DAB1: variants seen among roughly 807,000 people sequenced by gnomAD.
DAB1 encodes the protein disabled homolog 1.
Under a neutral mutation model 64.6 loss-of-function variants are expected in DAB1, and 15 were observed. That is an observed-to-expected ratio of 0.23 (90% CI 0.16 to 0.36). The LOEUF (loss-of-function observed/expected upper bound fraction) is 0.36. Ranked by LOEUF, DAB1 falls within the 10% of genes least tolerant of loss-of-function variation. DAB1 has a pLI of 1.00. For missense variants in DAB1, 596 were observed against 706.7 expected (o/e 0.84, Z 1.78); for synonymous variants, 235 against 251.9 (o/e 0.93, Z 0.64).
At chr1:57,086,239 G>A (rs538282512) in intron 4 of DAB1, among the ~76,000 whole-genome samples, 152 of 152,202 alleles carry the variant, frequency 1.0e-3, no homozygotes, top group South Asian at 4.1e-3. Flanking sequence ...CTTCAGGTTC[G>A]AGGACAGAGA....
At chr1:58,079,225 C>CTA (rs1649834329) in intron 5 of DAB1, among the ~76,000 whole-genome samples, 1 of 152,166 alleles carries the variant, frequency 6.6e-6, no homozygotes, top group Non-Finnish European at 1.5e-5. Context: ...CCACTATCAC[C>CTA]TAGGGCTCCC....
chr1:57,695,385 AAAG>A (rs1557427867), intron 6 of DAB1, among the ~76,000 whole-genome samples: 1,228 of 73,378 alleles, frequency 0.017, 35 homozygotes, highest in East Asian at 0.035. Flanking sequence ...AGAAAGAAAG[AAAG>A]AAAGAAAGAA....
chr1:58,076,004 G>A (rs896074735), intron 5 of DAB1, among the ~76,000 whole-genome samples: 4 of 152,040 alleles, frequency 2.6e-5, no homozygotes, highest in Admixed American at 6.6e-5. Context: ...TTCTAGAGAA[G>A]GGACTCTGAT....
chr1:57,378,715 T>G (rs1681110033), intron 1 of DAB1, among the ~76,000 whole-genome samples: 1 of 152,220 alleles, frequency 6.6e-6, no homozygotes, highest in African/African-American at 2.4e-5. Flanking sequence ...GTGAGTTTTC[T>G]TATTTTTAGC....
chr1:57,238,026 G>A (rs1412507941), intron 2 of DAB1, among the ~76,000 whole-genome samples: 1 of 152,170 alleles, frequency 6.6e-6, no homozygotes, highest in African/African-American at 2.4e-5. Flanking sequence ...GACAGGGTGA[G>A]TGGTGCTGAA....
chr1:57,102,773 CT>C (rs1339649442), intron 4 of DAB1, among the ~76,000 whole-genome samples: 1 of 152,164 alleles, frequency 6.6e-6, no homozygotes, highest in Non-Finnish European at 1.5e-5. Context: ...TGTTTTTCAT[CT>C]CTTGAACAGT....
At chr1:58,403,525 A>G (rs1054696832) in intron 3 of DAB1, among the ~76,000 whole-genome samples, 2 of 152,180 alleles carry the variant, frequency 1.3e-5, no homozygotes, top group Non-Finnish European at 2.9e-5. Flanking sequence ...AGCAATGTCA[A>G]CTGTTATTTC....
intron 6 of DAB1, among the ~76,000 whole-genome samples, chr1:57,818,796 G>T (rs1251955362): frequency 6.6e-6 from 1 of 150,722 alleles, no homozygotes; most frequent in Non-Finnish European, 1.5e-5. Context: ...TATAATGTGT[G>T]TGTATATATA....
At chr1:58,452,498 C>CA (rs1055190077) in intron 3 of DAB1, among the ~76,000 whole-genome samples, 1 of 151,598 alleles carries the variant, frequency 6.6e-6, no homozygotes, top group African/African-American at 2.4e-5. Context: ...AGCCACTCTG[C>CA]AAAAAAGTCT....
intron 1 of DAB1, among the ~76,000 whole-genome samples, chr1:57,404,037 C>T (rs963057424): frequency 7.2e-5 from 11 of 151,800 alleles, no homozygotes; most frequent in Admixed American, 4.6e-4. Context: ...AGTCAAACTG[C>T]CACAAGAGAT....
intron 5 of DAB1, among the ~76,000 whole-genome samples, chr1:58,068,345 A>G (rs1648989695): frequency 6.6e-6 from 1 of 152,148 alleles, no homozygotes; most frequent in East Asian, 1.9e-4. Context: ...TCTTTAATTC[A>G]CCTATATATA....
In DAB1 at chr1:57,317,261, C is replaced by T. The variant is rs76926906; in HGVS notation, c.-136-26095G>A. Among the ~76,000 whole-genome samples the T allele has an allele frequency of 2.3e-4, 35 of 152,284 alleles. No homozygotes were observed. In the East Asian group the frequency reaches 6.4e-3, roughly 28 times the overall value. On this transcript the variant is annotated intron_variant, in intron 1 of 14. Coordinates refer to ENST00000371236, the MANE Select transcript of DAB1 (RefSeq NM_001365792.1). ...TGGAAACAGATCCATCCCGGGTGAG[C>T]CTCGCAATGACGGGAGCAGCTCTGG... is the stretch of plus-strand genomic sequence containing the variant.
At chr1:57,565,675 A>C (rs909298124) in intron 7 of DAB1, among the ~76,000 whole-genome samples, 4 of 152,210 alleles carry the variant, frequency 2.6e-5, no homozygotes, top group Non-Finnish European at 5.9e-5. Context: ...AAAGAGACAA[A>C]GAAGGCCATT....
intron 7 of DAB1, among the ~76,000 whole-genome samples, chr1:57,480,886 C>T (rs1462161110): frequency 6.6e-6 from 1 of 152,082 alleles, no homozygotes; most frequent in Non-Finnish European, 1.5e-5. Context: ...GTGACTAAAG[C>T]CCGCCCTCTT....
chr1:57,921,903 G>C (rs1360663913), intron 5 of DAB1, among the ~76,000 whole-genome samples: 2 of 152,122 alleles, frequency 1.3e-5, no homozygotes, highest in African/African-American at 4.8e-5. Context: ...CTCCCTTCTT[G>C]ATCTTTCTGC....
At chr1:58,281,797 C>T (rs554331464) in intron 4 of DAB1, among the ~76,000 whole-genome samples, 58 of 152,256 alleles carry the variant, frequency 3.8e-4, no homozygotes, top group African/African-American at 1.3e-3. Context: ...TATAATAGTA[C>T]ATACTTTACA....
At chr1:57,508,991 A>G (rs1300292468) in intron 7 of DAB1, among the ~76,000 whole-genome samples, 1 of 151,662 alleles carries the variant, frequency 6.6e-6, no homozygotes, top group East Asian at 1.9e-4. Context: ...ATATACATAT[A>G]TAAAATACAT....
At chr1:57,924,626 A>AATTTTT (rs1553143934) in intron 5 of DAB1, among the ~76,000 whole-genome samples, 1 of 131,804 alleles carries the variant, frequency 7.6e-6, no homozygotes, top group African/African-American at 2.8e-5. Flanking sequence ...CACTTGGCTA[A>AATTTTT]TTTTTTTTTT....
intron 5 of DAB1, among the ~76,000 whole-genome samples, chr1:58,058,469 C>A (rs1648283269): frequency 6.6e-6 from 1 of 152,200 alleles, no homozygotes; most frequent in South Asian, 2.1e-4. Context: ...CCACGCTCGA[C>A]TGTTGCATGG....
Sources: gnomAD v4.1 joint callset for allele counts (sites outside exome capture counted in the v4.1 genomes callset) on GRCh38, gnomAD v4.1.1 for gene constraint, MANE v1.5 for transcripts, NCBI Gene and HGNC (gene_info 2026-07-23, HGNC 2026-07-21) for gene names.